The following GRID1 variants were observed in gnomAD, a reference collection of about 807,000 sequenced individuals.
GRID1 encodes the protein glutamate ionotropic receptor delta type subunit 1, also known as glutamate receptor ionotropic, delta-1.
A neutral mutation model predicts 98.0 loss-of-function variants in GRID1; 28 were observed. The ratio of observed to expected loss-of-function variants is 0.29; its 90% CI spans 0.21 to 0.39. The LOEUF (loss-of-function observed/expected upper bound fraction) is 0.39. GRID1 is among the 10% of genes least tolerant of loss of function. GRID1 has a pLI of 1.00. For missense variants in GRID1, 1,111 were observed against 1,340.5 expected (o/e 0.83, Z 2.67); for synonymous variants, 553 against 538.5 (o/e 1.03, Z -0.37).
At chr10:86,343,545 T>C (rs190156780) in intron 2 of GRID1, among the ~76,000 whole-genome samples, 1 of 152,312 alleles carries the variant, frequency 6.6e-6, no homozygotes, top group Admixed American at 6.5e-5. Flanking sequence ...AGATGAAATA[T>C]TCCTTGCAGA....
intron 12 of GRID1, among the ~76,000 whole-genome samples, chr10:85,663,965 T>C (rs544268121): frequency 1.3e-5 from 2 of 152,270 alleles, no homozygotes; most frequent in South Asian, 2.1e-4. Flanking sequence ...TCAATTAACC[T>C]GTAAAGAGAC....
intron 4 of GRID1, among the ~76,000 whole-genome samples, chr10:85,924,861 T>C (rs891191239): frequency 1.3e-5 from 2 of 152,164 alleles, no homozygotes; most frequent in African/African-American, 4.8e-5. Context: ...TCCCTGTTCA[T>C]GTGGATGGCA....
intron 4 of GRID1, among the ~76,000 whole-genome samples, chr10:86,035,312 G>A (rs902149010): frequency 9.9e-5 from 15 of 152,180 alleles, no homozygotes; most frequent in African/African-American, 2.9e-4. Flanking sequence ...TTCCTTAGTC[G>A]TGCTGAATTA....
intron 2 of GRID1, among the ~76,000 whole-genome samples, chr10:86,210,782 T>C (rs1284963105): frequency 1.3e-5 from 2 of 152,260 alleles, no homozygotes; most frequent in Non-Finnish European, 2.9e-5. Flanking sequence ...TGGGGCACTG[T>C]TGAAATGATG....
intron 4 of GRID1, among the ~76,000 whole-genome samples, chr10:85,947,108 G>A (rs1379014144): frequency 3.9e-5 from 6 of 152,210 alleles, no homozygotes; most frequent in African/African-American, 1.4e-4. Flanking sequence ...TCCAGGAGAA[G>A]GGGACAGGGG....
At chr10:86,134,623 A>G (rs957161405) in intron 4 of GRID1, among the ~76,000 whole-genome samples, 2 of 152,120 alleles carry the variant, frequency 1.3e-5, no homozygotes, top group Non-Finnish European at 2.9e-5. Context: ...TCCCAGCCTC[A>G]GCTCCAGCCA....
intron 12 of GRID1, among the ~76,000 whole-genome samples, chr10:85,692,711 CAAAT>C (rs568365434): frequency 3.3e-4 from 49 of 147,006 alleles, no homozygotes; most frequent in African/African-American, 8.9e-4. Flanking sequence ...ACAAGGAGGA[CAAAT>C]AAATAGTCAA....
intron 4 of GRID1, among the ~76,000 whole-genome samples, chr10:85,941,437 A>C (rs1305704554): frequency 6.6e-6 from 1 of 152,240 alleles, no homozygotes; most frequent in Non-Finnish European, 1.5e-5. Context: ...ACATATATGC[A>C]TAGACAGATG....
At chr10:85,662,847 G>A (rs1358731859) in intron 12 of GRID1, among the ~76,000 whole-genome samples, 1 of 152,164 alleles carries the variant, frequency 6.6e-6, no homozygotes, top group Non-Finnish European at 1.5e-5. Context: ...CTCTCCTCAG[G>A]ATGAAGGGAC....
chr10:85,904,759 G>A (rs1210828641), intron 5 of GRID1, among the ~76,000 whole-genome samples: 13 of 147,224 alleles, frequency 8.8e-5, no homozygotes, highest in South Asian at 2.1e-4. Flanking sequence ...ATTAGACATC[G>A]ACAAACAAAA....
intron 4 of GRID1, among the ~76,000 whole-genome samples, chr10:85,970,315 C>T (rs1247423042): frequency 6.6e-6 from 1 of 152,044 alleles, no homozygotes; most frequent in Non-Finnish European, 1.5e-5. Context: ...CAAACTCATT[C>T]TAAGAGGCTA....
rs777207392 is a variant in GRID1 at position 86,366,309 on chromosome 10, C to T, written c.79+5G>A. Reference sequence around the variant, plus strand: ...AGCCTCGGCCCGGCCTCCAGCCGCGCTTACCGATGTGGATGATGGAGTCGG... The same window carrying T: ...AGCCTCGGCCCGGCCTCCAGCCGCGTTTACCGATGTGGATGATGGAGTCGG... On this transcript the variant is annotated splice_donor_5th_base_variant and intron_variant, in intron 1 of 15. Coordinates refer to ENST00000327946, the MANE Select transcript of GRID1 (RefSeq NM_017551.3). This position sits in a 1 kb window ranked among gnomAD's most constrained non-coding sequence, Gnocchi z 4.1. 2 of 1,492,604 alleles carry T rather than the reference C, an allele frequency of 1.3e-6. No homozygotes were observed. Among genetic ancestry groups the T allele is most frequent in the Non-Finnish European group, 8.9e-7 (1 of 1,118,028 alleles). The allele number at this position is 1,492,604 out of a possible 1,614,324, so 92.5% of individuals were successfully genotyped here. A position where few individuals can be genotyped will look rare whatever the true frequency, so the allele number is the denominator to read the frequency against.
intron 2 of GRID1, among the ~76,000 whole-genome samples, chr10:86,215,916 A>C (rs1232567570): frequency 6.6e-6 from 1 of 152,192 alleles, no homozygotes; most frequent in African/African-American, 2.4e-5. Flanking sequence ...CCCCAGCTCC[A>C]CACATCACAA....
chr10:86,282,576 A>G (rs1349513677), intron 2 of GRID1, among the ~76,000 whole-genome samples: 1 of 152,202 alleles, frequency 6.6e-6, no homozygotes, highest in Non-Finnish European at 1.5e-5. Flanking sequence ...GCAAGTTTGC[A>G]TGTAAGTAAA....
intron 4 of GRID1, among the ~76,000 whole-genome samples, chr10:85,990,864 C>CT (rs142590501): frequency 0.068 from 10,349 of 151,844 alleles, 408 homozygotes; most frequent in Middle Eastern, 0.099. Flanking sequence ...AATATAAAGA[C>CT]TTTTTTTTTC....
intron 5 of GRID1, among the ~76,000 whole-genome samples, chr10:85,907,998 T>G (rs1301383357): frequency 1.3e-5 from 2 of 152,160 alleles, no homozygotes; most frequent in African/African-American, 4.8e-5. Context: ...TGATAAAAAC[T>G]CACCAGTCTA....
At position 86,309,133 on chromosome 10, in the gene GRID1, A is replaced by G. The variant is rs190931327; in HGVS notation, c.235+54808T>C. On this transcript the variant is annotated intron_variant, in intron 2 of 15. Coordinates refer to ENST00000327946, the MANE Select transcript of GRID1 (RefSeq NM_017551.3). ...AAACTTGTCTTAGTACTTAGGGTTTATAAAGTCACAATAGAGATAAGGGGC... is the reference window on the plus strand; with the variant it reads ...AAACTTGTCTTAGTACTTAGGGTTTGTAAAGTCACAATAGAGATAAGGGGC... 5.1e-3 allele frequency among the ~76,000 whole-genome samples: 773 copies of G among 152,316 alleles called. 4 individuals carry two copies. Among genetic ancestry groups the G allele is most frequent in the Admixed American group, 0.011 (161 of 15,304 alleles).
intron 8 of GRID1, among the ~76,000 whole-genome samples, chr10:85,737,671 T>TATAA (rs1554828151): frequency 8.1e-6 from 1 of 123,336 alleles, no homozygotes; most frequent in Non-Finnish European, 1.7e-5. Flanking sequence ...TATATATATA[T>TATAA]ATAAACATAT....
chr10:86,045,438 G>T (rs903489108), intron 4 of GRID1, among the ~76,000 whole-genome samples: 1 of 152,178 alleles, frequency 6.6e-6, no homozygotes, highest in Non-Finnish European at 1.5e-5. Context: ...AAATTATTTT[G>T]ACAAGCGAGA....
Sources: allele counts gnomAD v4.1 joint callset (sites outside exome capture counted in the v4.1 genomes callset), GRCh38; gene constraint gnomAD v4.1.1; non-coding constraint Gnocchi (gnomAD v3.1); transcripts MANE v1.5; gene names NCBI Gene and HGNC (gene_info 2026-07-23, HGNC 2026-07-21).